Variants in ACVRL1 observed in about 807,000 individuals in gnomAD.
ACVRL1 encodes the protein activin receptor type-1-like.
Under a neutral mutation model 51.9 loss-of-function variants are expected in ACVRL1, and 20 were observed. That is an observed-to-expected ratio of 0.39 (90% CI 0.27 to 0.56). ACVRL1 has a LOEUF of 0.56. ACVRL1 is among the 20% of genes least tolerant of loss of function. The probability of loss-of-function intolerance (pLI) is 0.67; values close to 1 mark genes in which losing one functional copy is unlikely to be tolerated. For missense variants in ACVRL1, 451 were observed against 670.3 expected (o/e 0.67, Z 3.61); for synonymous variants, 288 against 280.9 (o/e 1.03, Z -0.25).
Position 51,916,065 on chromosome 12 carries a change from G to T in ACVRL1, c.1078G>T (p.Asp360Tyr). The T allele has an allele frequency of 6.2e-7, 1 of 1,613,086 alleles. No homozygotes were observed. The highest frequency in any genetic ancestry group is 8.5e-7 in the Non-Finnish European group (1 of 1,179,294). ...GGCTGTGATGCACTCACAGGGCAGCGATTACCTGGACATCGGCAACAACCC... is the reference window on the plus strand; with the variant it reads ...GGCTGTGATGCACTCACAGGGCAGCTATTACCTGGACATCGGCAACAACCC... ...GLAVMHSQGS[D>Y]YLDIGNNPRV... The change falls in exon 8 of 10, where the codon GAT becomes TAT. Residue 360 changes from aspartate to tyrosine, a missense_variant. Asp to Tyr is a radical substitution (Grantham distance 160). Around this residue, in one of 2 missense-constraint regions of ACVRL1, gnomAD observed 259 missense variants for 453.4 expected, o/e 0.57. Coordinates refer to ENST00000388922, the MANE Select transcript of ACVRL1 (RefSeq NM_000020.3).
chr12:51,920,735 C>T, intron 9 of ACVRL1, 24 bp from the exon 10 acceptor site: 2 of 1,612,912 alleles, frequency 1.2e-6, no homozygotes, highest in Non-Finnish European at 8.5e-7. Context: ...CTCCTCTCCT[C>T]TGCACCTCTC....
rs148640185 is a variant in ACVRL1 at position 51,915,251 on chromosome 12, C to T, written c.799C>T (p.Arg267Cys). Residue 267 changes from arginine to cysteine, a missense_variant, in exon 7 of 10, where the codon CGC becomes TGC. Physicochemically the swap from Arg to Cys is radical, Grantham distance 180 (BLOSUM62 -3). Around this residue, in one of 2 missense-constraint regions of ACVRL1, gnomAD observed 259 missense variants for 453.4 expected, o/e 0.57. Coordinates refer to ENST00000388922, the MANE Select transcript of ACVRL1 (RefSeq NM_000020.3). ...LGFIASDMTS[R>C]NSSTQLWLIT... ...CTTCATCGCCTCAGACATGACCTCCCGCAACTCGAGCACGCAGCTGTGGCT... is the reference window on the plus strand; with the variant it reads ...CTTCATCGCCTCAGACATGACCTCCTGCAACTCGAGCACGCAGCTGTGGCT... 6.2e-6 allele frequency: 10 copies of T among 1,614,006 alleles called. No individual in the cohort carries two copies. The highest frequency in any genetic ancestry group is 4.5e-5 in the East Asian group (2 of 44,886).
chr12:51,912,654 C>A, intron 2 of ACVRL1, 119 bp downstream of exon 2: 2 of 883,446 alleles, frequency 2.3e-6, no homozygotes, highest in South Asian at 1.4e-5. Flanking sequence ...AGGAGCTTGA[C>A]TGGAGAGTGG....
intron 7 of ACVRL1, 108 bp from the exon 8 acceptor site, chr12:51,915,928 A>C: frequency 7.9e-7 from 1 of 1,269,450 alleles, no homozygotes; most frequent in South Asian, 1.4e-5. Flanking sequence ...GCACGTCTCC[A>C]TCTGCCTTCC....
chr12:51,919,717 G>C (rs1361769122), intron 9 of ACVRL1, among the ~76,000 whole-genome samples: 1 of 152,082 alleles, frequency 6.6e-6, no homozygotes, highest in Non-Finnish European at 1.5e-5. Flanking sequence ...GTTGCTATTT[G>C]TCTTTGTTTG....
At chr12:51,918,949 T>G (rs1264704550) in intron 8 of ACVRL1, 36 bp from the exon 9 acceptor site, 1 of 1,613,832 alleles carries the variant, frequency 6.2e-7, no homozygotes, top group Non-Finnish European at 8.5e-7. Flanking sequence ...CTCCTTAGAG[T>G]CCCAAGTGAT....
intron 2 of ACVRL1, among the ~76,000 whole-genome samples, chr12:51,912,772 C>T (rs1171577903): frequency 6.6e-6 from 1 of 152,012 alleles, no homozygotes; most frequent in African/African-American, 2.4e-5. Context: ...AGGGTGGAAG[C>T]CTATATGTGG....
chr12:51,914,633 C>A lies in ACVRL1; in HGVS notation c.772+48C>A, dbSNP rs140528379. On this transcript the variant is annotated intron_variant, in intron 6 of 9. Coordinates refer to ENST00000388922, the MANE Select transcript of ACVRL1 (RefSeq NM_000020.3). Reference sequence around the variant, plus strand: ...CCAGGCCTGGGGCTTTGCCCCCCTGCACTCAGGGCTCAAGTTTGCAGACCT... The same window carrying A: ...CCAGGCCTGGGGCTTTGCCCCCCTGAACTCAGGGCTCAAGTTTGCAGACCT... 163 of 1,578,262 alleles carry A rather than the reference C, an allele frequency of 1.0e-4. 1 individual carries two copies. The African/African-American group carries it at 1.8e-3, about 17-fold the overall frequency.
chr12:51,922,092 T>C lies in ACVRL1; in HGVS notation c.*1199T>C, dbSNP rs1451872610. 2 of 152,336 alleles carry C rather than the reference T, an allele frequency of 1.3e-5. No homozygotes were observed. Among genetic ancestry groups the C allele is most frequent in the Non-Finnish European group, 2.9e-5 (2 of 68,042 alleles). 9.4% of individuals were successfully genotyped at this position (152,336 alleles called of 1,614,324 possible). A position where few individuals can be genotyped will look rare whatever the true frequency, so the allele number is the denominator to read the frequency against. Reference sequence around the variant, plus strand: ...TGGTCCTGATGTCCTTTGAGGCTTCTTTAGCTCTAGTTCTCTGACACTTCA... The same window carrying C: ...TGGTCCTGATGTCCTTTGAGGCTTCCTTAGCTCTAGTTCTCTGACACTTCA... On this transcript the variant is annotated 3_prime_UTR_variant, in exon 10 of 10. Transcript: ENST00000388922.
chr12:51,919,925 CTATTACCTATCATA>C (rs1327061160), intron 9 of ACVRL1, among the ~76,000 whole-genome samples: 1 of 152,190 alleles, frequency 6.6e-6, no homozygotes, highest in Non-Finnish European at 1.5e-5. Flanking sequence ...CCTTATGTCC[CTATTACCTATCATA>C]GTATCTGGCT....
At position 51,920,920 on chromosome 12, in the gene ACVRL1, C is replaced by A; in HGVS notation, c.*27C>A. The stretch of plus-strand genomic sequence containing the variant: ...CCAGGAGCACCTGATTCCTTTCTGC[C>A]TGCAGGGGGCTGGGGGGGTGGGGGG... On this transcript the variant is annotated 3_prime_UTR_variant, in exon 10 of 10. Coordinates refer to ENST00000388922, the MANE Select transcript of ACVRL1 (RefSeq NM_000020.3). 1.9e-6 allele frequency: 1 copy of A among 527,538 alleles called. No homozygotes were observed. The highest frequency in any genetic ancestry group is 3.5e-6 in the Non-Finnish European group (1 of 286,648). The allele number at this position is 527,538 out of a possible 1,614,324, so 32.7% of individuals were successfully genotyped here.
Position 51,920,933 on chromosome 12 carries a change from G to C in ACVRL1, c.*40G>C, listed in dbSNP as rs776507354. ...ATTCCTTTCTGCCTGCAGGGGGCTG[G>C]GGGGGTGGGGGGCAGTGGATGGTGC... On this transcript the variant is annotated 3_prime_UTR_variant, in exon 10 of 10. Transcript: ENST00000388922. 3 of 1,449,108 alleles carry C rather than the reference G, an allele frequency of 2.1e-6. No homozygotes were observed. The highest frequency in any genetic ancestry group is 1.9e-6 in the Non-Finnish European group (2 of 1,062,486). 89.8% of individuals were successfully genotyped at this position (1,449,108 alleles called of 1,614,324 possible).
chr12:51,916,030 C>T lies in ACVRL1; in HGVS notation c.1049-6C>T, dbSNP rs1565594818. 1.2e-6 allele frequency: 2 copies of T among 1,611,564 alleles called. No individual in the cohort carries two copies. Among genetic ancestry groups the T allele is most frequent in the East Asian group, 4.5e-5 (2 of 44,810 alleles). On this transcript the variant is annotated splice_region_variant and splice_polypyrimidine_tract_variant and intron_variant, in intron 7 of 9. Coordinates refer to ENST00000388922, the MANE Select transcript of ACVRL1 (RefSeq NM_000020.3). ...GGGGCAGGAGTGACAGGCCTCACCC[C>T]CACAGGCCTGGCTGTGATGCACTCA...
At position 51,920,932 on chromosome 12, in the gene ACVRL1, GGGGGGGT is replaced by G; in HGVS notation, c.*46_*52del. 7.0e-7 allele frequency: 1 copy of G among 1,424,056 alleles called. No homozygotes were observed. Among genetic ancestry groups the G allele is most frequent in the Non-Finnish European group, 9.6e-7 (1 of 1,043,608 alleles). The allele number at this position is 1,424,056 out of a possible 1,614,324, so 88.2% of individuals were successfully genotyped here. Reference sequence around the variant, plus strand: ...GATTCCTTTCTGCCTGCAGGGGGCTGGGGGGGTGGGGGGCAGTGGATGGTGCCCTATC... The same window carrying G: ...GATTCCTTTCTGCCTGCAGGGGGCTGGGGGGGCAGTGGATGGTGCCCTATC... On this transcript the variant is annotated 3_prime_UTR_variant, in exon 10 of 10. Coordinates refer to ENST00000388922, the MANE Select transcript of ACVRL1 (RefSeq NM_000020.3).
In ACVRL1 at chr12:51,919,361, C is replaced by CTCTG. The variant is rs200979126; in HGVS notation, c.1377+248_1377+251dup. 1,416 of 523,904 alleles carry CTCTG rather than the reference C, an allele frequency of 2.7e-3. 9 individuals are homozygous for CTCTG. Among genetic ancestry groups the CTCTG allele is most frequent in the South Asian group, 4.8e-3 (235 of 49,056 alleles). The allele number at this position is 523,904 out of a possible 1,614,324, so 32.5% of individuals were successfully genotyped here. A position where few individuals can be genotyped will look rare whatever the true frequency, so the allele number is the denominator to read the frequency against. On this transcript the variant is annotated intron_variant, in intron 9 of 9. Coordinates refer to ENST00000388922, the MANE Select transcript of ACVRL1 (RefSeq NM_000020.3). ...GTGAAAAGTCAGAGGCTATCTGTGG[C>CTCTG]TCTGTGTGTGTGTGTGTGTGTGTGT...
intron 8 of ACVRL1, 74 bp downstream of exon 8, chr12:51,916,307 G>A: frequency 6.6e-7 from 1 of 1,521,044 alleles, no homozygotes; most frequent in Non-Finnish European, 8.9e-7. Context: ...GCCATGGCCA[G>A]TGCCCATGGC....
At chr12:51,911,579 G>A (rs1341963721) in intron 1 of ACVRL1, among the ~76,000 whole-genome samples, 1 of 152,166 alleles carries the variant, frequency 6.6e-6, no homozygotes, top group African/African-American at 2.4e-5. Context: ...AGCCCTGAGG[G>A]CTCAGACATG....
At chr12:51,909,093 C>T (rs868167755) in intron 1 of ACVRL1, among the ~76,000 whole-genome samples, 5 of 152,162 alleles carry the variant, frequency 3.3e-5, no homozygotes, top group African/African-American at 1.2e-4. Flanking sequence ...CTTGATATGG[C>T]GCTTCTCCAG....
At position 51,920,894 on chromosome 12, in the gene ACVRL1, C is replaced by G. The variant is rs564319731; in HGVS notation, c.*1C>G. ...AGAGAAGCCTAAAGTGATTCAATAG[C>G]CCAGGAGCACCTGATTCCTTTCTGC... On this transcript the variant is annotated 3_prime_UTR_variant, in exon 10 of 10. Coordinates refer to ENST00000388922, the MANE Select transcript of ACVRL1 (RefSeq NM_000020.3). The G allele has an allele frequency of 3.1e-6, 5 of 1,609,704 alleles. No homozygotes were observed. The African/African-American group carries it at 6.7e-5, about 21-fold the overall frequency.
Sources: allele counts gnomAD v4.1 joint callset (sites outside exome capture counted in the v4.1 genomes callset), GRCh38; gene constraint gnomAD v4.1.1; regional missense constraint gnomAD v4.1.1; transcripts MANE v1.5; gene names NCBI Gene and HGNC (gene_info 2026-07-23, HGNC 2026-07-21).